The following FSTL4 variants were observed in gnomAD, a reference collection of about 807,000 sequenced individuals.
The protein encoded by FSTL4 is follistatin like 4, also known as follistatin-related protein 4.
FSTL4 carries 28 observed loss-of-function variants against 78.2 expected under a neutral mutation model. That is an observed-to-expected ratio of 0.36 (90% CI 0.27 to 0.49). FSTL4 has a LOEUF of 0.49. Among genes scored for constraint, FSTL4 ranks in the 20% least tolerant of loss-of-function variants. The pLI is 0.98. For missense variants in FSTL4, 922 were observed against 1,084.9 expected, an observed-to-expected ratio of 0.85 and a Z score of 2.11; for synonymous variants, 422 against 440.5, an observed-to-expected ratio of 0.96 and a Z score of 0.53.
the FSTL4 span, among the ~76,000 whole-genome samples, chr5:133,683,123 G>C: frequency 6.6e-6 from 1 of 151,802 alleles, no homozygotes; most frequent in Non-Finnish European, 1.5e-5. Flanking sequence ...TGTCTGCCAA[G>C]GGGTGTTGAA....
chr5:133,305,509 T>A (rs1050735633), intron 6 of FSTL4, among the ~76,000 whole-genome samples: 1 of 152,208 alleles, frequency 6.6e-6, no homozygotes, highest in Non-Finnish European at 1.5e-5. Context: ...TCCACTCCGA[T>A]GTCCCTTCCT....
chr5:133,767,193 G>T, the FSTL4 span, among the ~76,000 whole-genome samples: 2 of 152,158 alleles, frequency 1.3e-5, no homozygotes, highest in African/African-American at 4.8e-5. Flanking sequence ...GAACCTCAGA[G>T]TTATCCCACC....
chr5:133,232,116 T>C (rs1751511391), intron 8 of FSTL4, among the ~76,000 whole-genome samples: 1 of 152,248 alleles, frequency 6.6e-6, no homozygotes, highest in Non-Finnish European at 1.5e-5. Context: ...GATTTCTTTT[T>C]CCTTCCTATG....
the FSTL4 span, among the ~76,000 whole-genome samples, chr5:133,786,246 T>C: frequency 5.5e-4 from 84 of 152,206 alleles, no homozygotes; most frequent in African/African-American, 2.0e-3. Flanking sequence ...GCCTGTATCC[T>C]GGACCATCCC....
chr5:133,297,506 G>C (rs1469837752), intron 6 of FSTL4, among the ~76,000 whole-genome samples: 1 of 152,134 alleles, frequency 6.6e-6, no homozygotes, highest in Non-Finnish European at 1.5e-5. Context: ...CTGTGTCTCC[G>C]GCTCTTCACC....
intron 3 of FSTL4, among the ~76,000 whole-genome samples, chr5:133,515,405 GAA>G (rs767128281): frequency 7.4e-6 from 1 of 135,016 alleles, no homozygotes; most frequent in Non-Finnish European, 1.6e-5. Context: ...AAAAGGAAAG[GAA>G]AAAAAAAAAA....
At chr5:133,607,771 G>A (rs1308656238) in intron 1 of FSTL4, among the ~76,000 whole-genome samples, 1 of 152,076 alleles carries the variant, frequency 6.6e-6, no homozygotes, top group East Asian at 1.9e-4. Context: ...CCTCCTCATG[G>A]CTCCAACCAA....
chr5:133,827,310 C>A, the FSTL4 span, among the ~76,000 whole-genome samples: 12 of 152,180 alleles, frequency 7.9e-5, no homozygotes, highest in Admixed American at 7.9e-4. Context: ...AATCGTTCAA[C>A]CATGTTCAAG....
chr5:133,839,886 G>A, the FSTL4 span, among the ~76,000 whole-genome samples: 3 of 152,310 alleles, frequency 2.0e-5, no homozygotes, highest in East Asian at 5.8e-4. Flanking sequence ...AATACACACG[G>A]GGCCATTAGC....
At chr5:133,484,625 C>T (rs903657495) in intron 3 of FSTL4, among the ~76,000 whole-genome samples, 1 of 152,160 alleles carries the variant, frequency 6.6e-6, no homozygotes. Flanking sequence ...ACCTCCACTG[C>T]TGTATCTGCA....
chr5:133,818,913 A>C, the FSTL4 span, among the ~76,000 whole-genome samples: 1 of 113,400 alleles, frequency 8.8e-6, no homozygotes, highest in Non-Finnish European at 1.9e-5. Flanking sequence ...AGTCCAGGAG[A>C]AGATGTTTTA....
intron 6 of FSTL4, among the ~76,000 whole-genome samples, chr5:133,297,688 A>T (rs1316002707): frequency 6.6e-6 from 1 of 152,190 alleles, no homozygotes; most frequent in Non-Finnish European, 1.5e-5. Flanking sequence ...TGTGCACCTG[A>T]CTGGCCCCAG....
the FSTL4 span, among the ~76,000 whole-genome samples, chr5:133,678,280 AAG>A: frequency 1.5e-3 from 221 of 152,290 alleles, no homozygotes; most frequent in African/African-American, 5.2e-3. Context: ...GGGAGACAGA[AAG>A]AGAGACCAGT....
chr5:133,511,122 G>A (rs1380466327), intron 3 of FSTL4, among the ~76,000 whole-genome samples: 2 of 152,110 alleles, frequency 1.3e-5, no homozygotes, highest in Non-Finnish European at 2.9e-5. Flanking sequence ...GCCTTCAAGG[G>A]CACCCCAAGC....
chr5:133,832,364 G>T, the FSTL4 span, among the ~76,000 whole-genome samples: 2 of 152,176 alleles, frequency 1.3e-5, no homozygotes, highest in Non-Finnish European at 2.9e-5. Flanking sequence ...TGCTCATTGG[G>T]TTGCTTATAA....
the FSTL4 span, among the ~76,000 whole-genome samples, chr5:133,806,679 G>A: frequency 1.3e-5 from 2 of 152,326 alleles, no homozygotes; most frequent in African/African-American, 2.4e-5. Flanking sequence ...AGAGCTGAGC[G>A]GATGGAGGAT....
At chr5:133,553,062 T>C (rs932870010) in intron 3 of FSTL4, among the ~76,000 whole-genome samples, 5 of 152,168 alleles carry the variant, frequency 3.3e-5, no homozygotes, top group African/African-American at 1.2e-4. Context: ...ACTTAGTCTC[T>C]TGCCATCAGG....
intron 6 of FSTL4, among the ~76,000 whole-genome samples, chr5:133,288,108 G>A (rs1444869629): frequency 6.6e-6 from 1 of 152,228 alleles, no homozygotes; most frequent in African/African-American, 2.4e-5. Flanking sequence ...TTAACGTAGT[G>A]CCTGGCACAA....
chr5:133,282,512 C>T (rs1287691730), intron 6 of FSTL4, among the ~76,000 whole-genome samples: 1 of 152,164 alleles, frequency 6.6e-6, no homozygotes, highest in Non-Finnish European at 1.5e-5. Flanking sequence ...GCATTTTAAT[C>T]CCATTAGCAG....
Sources: gnomAD v4.1 joint callset for allele counts (sites outside exome capture counted in the v4.1 genomes callset) on GRCh38, gnomAD v4.1.1 for gene constraint, MANE v1.5 for transcripts, NCBI Gene and HGNC (gene_info 2026-07-23, HGNC 2026-07-21) for gene names.